FKBP4: variants seen among roughly 807,000 people sequenced by gnomAD.
FKBP4 encodes peptidyl-prolyl cis-trans isomerase FKBP4.
In FKBP4, 28 loss-of-function variants were observed where a neutral mutation model predicts 54.1. The observed-to-expected ratio is 0.52, with a 90% CI of 0.38 to 0.71. The LOEUF is 0.71. Among genes scored for constraint, FKBP4 ranks in the 30% least tolerant of loss-of-function variants. The pLI, the probability that FKBP4 is intolerant of heterozygous loss-of-function variation, is 0.00. For synonymous variants in FKBP4, 223 were observed against 216.1 expected, an observed-to-expected ratio of 1.03 and a Z score of -0.28; for missense variants, 493 against 574.4, an observed-to-expected ratio of 0.86 and a Z score of 1.45.
At chr12:2,801,413 T>C (rs1169401105) in intron 9 of FKBP4, 57 bp downstream of exon 9, 23 of 1,604,406 alleles carry the variant, frequency 1.4e-5, no homozygotes, top group Admixed American at 6.7e-5. Context: ...ACCTGGCTAC[T>C]GTGGGCTCTT....
At chr12:2,797,517 G>C (rs1189920878) in intron 2 of FKBP4, among the ~76,000 whole-genome samples, 1 of 150,552 alleles carries the variant, frequency 6.6e-6, no homozygotes, top group Non-Finnish European at 1.5e-5. Flanking sequence ...GGACTGTCTT[G>C]CATCTTAAAC....
chr12:2,800,406 G>A lies in FKBP4; in HGVS notation c.861G>A (p.Lys287=), dbSNP rs150316795. The A allele has an allele frequency of 6.4e-5, 103 of 1,611,034 alleles. No individual in the cohort carries two copies. The East Asian group carries it at 2.2e-3, about 35-fold the overall frequency. Residue 287 remains lysine (K), a synonymous_variant, in exon 8 of 10, where the codon AAG becomes AAA. Coordinates refer to ENST00000001008, the MANE Select transcript of FKBP4 (RefSeq NM_002014.4). ...TCCCATTCCAGGAAGGTAAATACAA[G>A]CAAGCTTTACTACAGTATAAGAAGA... The part of the protein sequence containing the change: ...GTVYFKEGKY[K]QALLQYKKIV...
chr12:2,800,859 C>T (rs1337909302), intron 8 of FKBP4, among the ~76,000 whole-genome samples: 8 of 152,230 alleles, frequency 5.3e-5, no homozygotes, highest in Admixed American at 5.2e-4. Flanking sequence ...TACCTACTTG[C>T]TTTATTCTAA....
chr12:2,795,936 C>A lies in FKBP4; in HGVS notation c.105+692C>A, dbSNP rs368305335. 39 of 1,024,742 alleles carry A rather than the reference C, an allele frequency of 3.8e-5. No individual in the cohort carries two copies. The highest frequency in any genetic ancestry group is 1.6e-4 in the Admixed American group (3 of 18,748). 63.5% of individuals were successfully genotyped at this position (1,024,742 alleles called of 1,614,324 possible). A position where few individuals can be genotyped will look rare whatever the true frequency, so the allele number is the denominator to read the frequency against. On this transcript the variant is annotated intron_variant, in intron 1 of 9. Coordinates refer to ENST00000001008, the MANE Select transcript of FKBP4 (RefSeq NM_002014.4). This position sits in a 1 kb window ranked among gnomAD's most constrained non-coding sequence, Gnocchi z 4.3. Reference sequence around the variant, plus strand: ...TGCCGGGAGCTGTAGTCCCCTCCCCCCTCCGCCGCCTCCCGGAGCCAGGGC... The same window carrying A: ...TGCCGGGAGCTGTAGTCCCCTCCCCACTCCGCCGCCTCCCGGAGCCAGGGC...
chr12:2,803,060 G>A, intron 9 of FKBP4, 91 bp from the exon 10 acceptor site: 6 of 911,094 alleles, frequency 6.6e-6, no homozygotes, highest in Middle Eastern at 2.8e-4. Flanking sequence ...AGATGTAGGA[G>A]AATGGGTGTA....
In FKBP4 at chr12:2,798,446, G is replaced by A. The variant is rs905788774; in HGVS notation, c.394-260G>A. Among the ~76,000 whole-genome samples the A allele has an allele frequency of 1.1e-4, 16 of 152,324 alleles. No homozygotes were observed. The East Asian group carries it at 1.3e-3, about 13-fold the overall frequency. Reference sequence around the variant, plus strand: ...ATCTGGGACGCGTCCTGATATGTCCGTGTTAGTAGAGCAGGTAGCAAATAG... The same window carrying A: ...ATCTGGGACGCGTCCTGATATGTCCATGTTAGTAGAGCAGGTAGCAAATAG... On this transcript the variant is annotated intron_variant, in intron 3 of 9. Coordinates refer to ENST00000001008, the MANE Select transcript of FKBP4 (RefSeq NM_002014.4). The surrounding 1 kb of genome is among the most constrained non-coding windows in gnomAD (Gnocchi z 4.3).
intron 9 of FKBP4, among the ~76,000 whole-genome samples, chr12:2,802,634 T>G (rs754363781): frequency 2.0e-5 from 3 of 152,246 alleles, no homozygotes; most frequent in Non-Finnish European, 4.4e-5. Context: ...AACTAGCCAC[T>G]TACAGTAGTG....
chr12:2,795,197 A>G lies in FKBP4; in HGVS notation c.58A>G (p.Met20Val). The G allele has an allele frequency of 7.5e-7, 1 of 1,330,966 alleles. No homozygotes were observed. Among genetic ancestry groups the G allele is most frequent in the Non-Finnish European group, 9.7e-7 (1 of 1,032,420 alleles). The allele number at this position is 1,330,966 out of a possible 1,614,324, so 82.4% of individuals were successfully genotyped here. Residue 20 changes from methionine (M) to valine (V), a missense_variant, in exon 1 of 10, where the codon ATG becomes GTG. Transcript: ENST00000001008. This position sits in a 1 kb window ranked among gnomAD's most constrained non-coding sequence, Gnocchi z 4.3. Reference protein sequence around the residue: ...ESGAQSAPLPMEGVDISPKQD... With the variant: ...ESGAQSAPLPVEGVDISPKQD... ...CGGGGCGCAGTCGGCGCCGCTGCCC[A>G]TGGAGGGAGTGGACATCAGCCCCAA...
intron 9 of FKBP4, among the ~76,000 whole-genome samples, chr12:2,802,362 T>C (rs2097905321): frequency 6.6e-6 from 1 of 152,134 alleles, no homozygotes; most frequent in Non-Finnish European, 1.5e-5. Flanking sequence ...CTCGAACTCC[T>C]GACTTTAGTG....
rs1305170656 is a variant in FKBP4, at chr12:2,805,079, A to T, written c.*1821A>T. 1 of 437,518 alleles carries T rather than the reference A, an allele frequency of 2.3e-6. No individual in the cohort carries two copies. Among genetic ancestry groups the T allele is most frequent in the Non-Finnish European group, 4.6e-6 (1 of 219,118 alleles). The allele number at this position is 437,518 out of a possible 1,614,324, so 27.1% of individuals were successfully genotyped here. ...ACTCAAGCATTTATGGAGTAAGCCT[A>T]GCACTGTACTGACAGCATCACATGA... is the stretch of plus-strand genomic sequence containing the variant. On this transcript the variant is annotated 3_prime_UTR_variant, in exon 10 of 10. Coordinates refer to ENST00000001008, the MANE Select transcript of FKBP4 (RefSeq NM_002014.4).
At position 2,800,492 on chromosome 12, in the gene FKBP4, C is replaced by T; in HGVS notation, c.947C>T (p.Ala316Val). 1.2e-6 allele frequency: 2 copies of T among 1,614,178 alleles called. No homozygotes were observed. Among genetic ancestry groups the T allele is most frequent in the Non-Finnish European group, 1.7e-6 (2 of 1,180,032 alleles). ...AATGAGGAAGCACAGAAAGCACAGG[C>T]CCTTCGACTGGCCTCTCACCTCAAC... Reference protein sequence around the residue: ...FSNEEAQKAQALRLASHLNLA... With the variant: ...FSNEEAQKAQVLRLASHLNLA... The change falls in exon 8 of 10, where the codon GCC (alanine) becomes GTC (valine). Residue 316 changes from alanine (A) to valine (V), a missense_variant. Coordinates refer to ENST00000001008, the MANE Select transcript of FKBP4 (RefSeq NM_002014.4).
intron 2 of FKBP4, 73 bp from the exon 3 acceptor site, chr12:2,797,656 C>A (rs1228524366): frequency 6.5e-7 from 1 of 1,527,642 alleles, no homozygotes; most frequent in East Asian, 2.3e-5. Flanking sequence ...GGTGCAGTAA[C>A]TCTTCAGGAG....
intron 8 of FKBP4, 87 bp downstream of exon 8, chr12:2,800,664 C>A: frequency 7.4e-7 from 1 of 1,358,370 alleles, no homozygotes; most frequent in Non-Finnish European, 9.9e-7. Context: ...CCCTTGGTGA[C>A]TAGGGCAGGG....
chr12:2,801,480 G>C, intron 9 of FKBP4, 124 bp downstream of exon 9: 1 of 1,334,178 alleles, frequency 7.5e-7, no homozygotes, highest in Non-Finnish European at 1.1e-6. Context: ...TTTCCCTGGA[G>C]CATTAAGGAG....
At position 2,795,912 on chromosome 12, in the gene FKBP4, G is replaced by C; in HGVS notation, c.105+668G>C. On this transcript the variant is annotated intron_variant, in intron 1 of 9. Coordinates refer to ENST00000001008, the MANE Select transcript of FKBP4 (RefSeq NM_002014.4). The surrounding 1 kb of genome is among the most constrained non-coding windows in gnomAD (Gnocchi z 4.3). ...CCCGGGGAGGCCGGGCGCGGGGCAT[G>C]CCGGGAGCTGTAGTCCCCTCCCCCC... 1.0e-6 allele frequency: 1 copy of C among 987,836 alleles called. No individual in the cohort carries two copies. The highest frequency in any genetic ancestry group is 1.2e-6 in the Non-Finnish European group (1 of 829,546). 61.2% of individuals were successfully genotyped at this position (987,836 alleles called of 1,614,324 possible). A position where few individuals can be genotyped will look rare whatever the true frequency, so the allele number is the denominator to read the frequency against.
At position 2,804,957 on chromosome 12, in the gene FKBP4, C is replaced by A. The variant is rs759879359; in HGVS notation, c.*1699C>A. Reference sequence around the variant, plus strand: ...TGTAACTGCTTTCTTACTGGGCTTACCTCACATCACAGCCCTGTGTTTGTG... The same window carrying A: ...TGTAACTGCTTTCTTACTGGGCTTAACTCACATCACAGCCCTGTGTTTGTG... On this transcript the variant is annotated 3_prime_UTR_variant, in exon 10 of 10. Transcript: ENST00000001008. The A allele has an allele frequency of 4.2e-5, 11 of 259,340 alleles. No homozygotes were observed. Among genetic ancestry groups the A allele is most frequent in the African/African-American group, 2.3e-4 (10 of 43,396 alleles). The allele number at this position is 259,340 out of a possible 1,614,324, so 16.1% of individuals were successfully genotyped here.
rs1603481548 is a variant in FKBP4, at chr12:2,800,032, G to A, written c.763-7G>A. The A allele has an allele frequency of 2.5e-6, 4 of 1,614,212 alleles. No homozygotes were observed. The highest frequency in any genetic ancestry group is 3.4e-6 in the Non-Finnish European group (4 of 1,180,016). On this transcript the variant is annotated splice_region_variant and splice_polypyrimidine_tract_variant and intron_variant, in intron 6 of 9. Coordinates refer to ENST00000001008, the MANE Select transcript of FKBP4 (RefSeq NM_002014.4). Reference sequence around the variant, plus strand: ...GACAACTTTGTTTCTCTCCTGGGGTGTGGCAGGCCAAGGAGTCTTGGGAGA... The same window carrying A: ...GACAACTTTGTTTCTCTCCTGGGGTATGGCAGGCCAAGGAGTCTTGGGAGA...
chr12:2,801,614 C>T lies in FKBP4; in HGVS notation c.1272+258C>T, dbSNP rs555515497. The T allele has an allele frequency of 3.9e-4, 222 of 564,596 alleles. 2 individuals are homozygous for T. The highest frequency in any genetic ancestry group is 2.6e-3 in the African/African-American group (140 of 53,836). The allele number at this position is 564,596 out of a possible 1,614,324, so 35.0% of individuals were successfully genotyped here. On this transcript the variant is annotated intron_variant, in intron 9 of 9. Transcript: ENST00000001008. ...GATTTATGTTTTCTTGTGGGCCAGG[C>T]GCCGTGGCTCACACCTGCAATCCCA...
In FKBP4 at chr12:2,805,225, G is replaced by GACTC. The variant is rs1193146731; in HGVS notation, c.*1968_*1971dup. The GACTC allele has an allele frequency of 6.6e-6, 3 of 455,394 alleles. No individual in the cohort carries two copies. The highest frequency in any genetic ancestry group is 6.0e-5 in the African/African-American group (3 of 50,028). 28.2% of individuals were successfully genotyped at this position (455,394 alleles called of 1,614,324 possible). ...AAGGTGAGGTCTCTGAACTAATCCA[G>GACTC]ACTCTCCCATGAGGTTCCTTTGGCA... is the stretch of plus-strand genomic sequence containing the variant. On this transcript the variant is annotated 3_prime_UTR_variant, in exon 10 of 10. Transcript: ENST00000001008.
Sources: gnomAD v4.1 joint callset for allele counts (sites outside exome capture counted in the v4.1 genomes callset) on GRCh38, gnomAD v4.1.1 for gene constraint, Gnocchi (gnomAD v3.1) non-coding constraint, MANE v1.5 for transcripts, NCBI Gene and HGNC (gene_info 2026-07-23, HGNC 2026-07-21) for gene names.